The following CALD1 variants were observed in gnomAD, a reference collection of about 807,000 sequenced individuals.
The protein encoded by CALD1 is caldesmon.
In CALD1, 33 loss-of-function variants were observed where a neutral mutation model predicts 99.9. That is an observed-to-expected ratio of 0.33 (90% CI 0.25 to 0.44). The LOEUF is 0.44. Ranked by LOEUF, CALD1 falls within the 20% of genes least tolerant of loss-of-function variation. The pLI is 1.00. For synonymous variants in CALD1, 310 were observed against 325.0 expected (o/e 0.95, Z 0.50); for missense variants, 861 against 962.1 (o/e 0.89, Z 1.39).
intron 3 of CALD1, among the ~76,000 whole-genome samples, chr7:134,882,195 GA>G (rs1801637775): frequency 6.6e-6 from 1 of 152,218 alleles, no homozygotes; most frequent in Non-Finnish European, 1.5e-5. Context: ...GAGGGAGGCA[GA>G]AATGTTAGTG....
At chr7:134,883,140 TC>T (rs1356841593) in intron 3 of CALD1, among the ~76,000 whole-genome samples, 1 of 152,222 alleles carries the variant, frequency 6.6e-6, no homozygotes, top group Non-Finnish European at 1.5e-5. Flanking sequence ...GAACTGTATT[TC>T]TTAGGTAAGA....
intron 2 of CALD1, among the ~76,000 whole-genome samples, chr7:134,861,460 C>G (rs1173613683): frequency 1.3e-5 from 2 of 152,154 alleles, no homozygotes. Context: ...AGGATATACA[C>G]GACATGCTCC....
At chr7:134,924,631 TA>T (rs1332648290) in intron 3 of CALD1, among the ~76,000 whole-genome samples, 3 of 152,224 alleles carry the variant, frequency 2.0e-5, no homozygotes, top group Admixed American at 2.0e-4. Flanking sequence ...GAAACCATTT[TA>T]GCTCTTTTTT....
rs532869014 is a variant in CALD1, at chr7:134,752,262, A to C, written c.-130+7899A>C. 7.9e-5 allele frequency among the ~76,000 whole-genome samples: 12 copies of C among 152,346 alleles called. No individual in the cohort carries two copies. The East Asian group carries it at 2.3e-3, about 29-fold the overall frequency. On this transcript the variant is annotated intron_variant, in intron 1 of 13. Coordinates refer to the CALD1 transcript ENST00000417172. ...AGTAGAGAGTATTCAGCCTGTCAGA[A>C]AAGGAAGCTTTCGGCCTGATGCCAA...
At chr7:134,886,645 G>A (rs771475758) in intron 3 of CALD1, among the ~76,000 whole-genome samples, 14 of 152,170 alleles carry the variant, frequency 9.2e-5, no homozygotes, top group Non-Finnish European at 1.3e-4. Context: ...TAGAAAAGAC[G>A]AGACTAAAGG....
At chr7:134,810,255 G>C (rs148470352) in intron 1 of CALD1, among the ~76,000 whole-genome samples, 2 of 152,040 alleles carry the variant, frequency 1.3e-5, no homozygotes, top group Non-Finnish European at 2.9e-5. Flanking sequence ...ATCAGTGGTC[G>C]GAGATAGCAA....
At chr7:134,780,404 TAAC>T (rs888248644) in intron 1 of CALD1, among the ~76,000 whole-genome samples, 18 of 152,156 alleles carry the variant, frequency 1.2e-4, no homozygotes, top group South Asian at 4.1e-4. Context: ...TAAAACCTAA[TAAC>T]AAGAGAATGC....
intron 2 of CALD1, among the ~76,000 whole-genome samples, chr7:134,864,628 G>C (rs1177352694): frequency 6.6e-6 from 1 of 152,096 alleles, no homozygotes; most frequent in African/African-American, 2.4e-5. Flanking sequence ...TCGAACTCCT[G>C]ACCTCAAGTG....
At chr7:134,852,609 T>G (rs1800128108) in intron 2 of CALD1, among the ~76,000 whole-genome samples, 1 of 152,192 alleles carries the variant, frequency 6.6e-6, no homozygotes. Flanking sequence ...AGTCATTGAA[T>G]GGAGACAGTA....
At chr7:134,851,233 GT>G (rs1306310682) in intron 2 of CALD1, among the ~76,000 whole-genome samples, 1 of 152,140 alleles carries the variant, frequency 6.6e-6, no homozygotes, top group African/African-American at 2.4e-5. Context: ...AGCTATTTGA[GT>G]TTGTCATGCC....
intron 1 of CALD1, among the ~76,000 whole-genome samples, chr7:134,825,316 C>G (rs1396905134): frequency 6.6e-6 from 1 of 152,032 alleles, no homozygotes; most frequent in Admixed American, 6.6e-5. Context: ...TGTCTCATTC[C>G]AGGGCAGAGT....
chr7:134,774,427 A>G (rs1796901528), intron 1 of CALD1, among the ~76,000 whole-genome samples: 1 of 152,110 alleles, frequency 6.6e-6, no homozygotes, highest in Non-Finnish European at 1.5e-5. Context: ...TCATTTAAAC[A>G]TTTATTTTCA....
chr7:134,955,918 A>G (rs1807730986), intron 9 of CALD1, among the ~76,000 whole-genome samples: 2 of 152,182 alleles, frequency 1.3e-5, no homozygotes, highest in South Asian at 4.1e-4. Flanking sequence ...GGATGGATGG[A>G]TGGACGGACG....
intron 3 of CALD1, chr7:134,891,372 C>A: frequency 8.1e-7 from 1 of 1,240,828 alleles, no homozygotes; most frequent in Non-Finnish European, 1.0e-6. Context: ...AAATAACAAT[C>A]AGCTCTCTGA....
At chr7:134,932,257 T>C (rs1805577104) in intron 4 of CALD1, among the ~76,000 whole-genome samples, 1 of 152,202 alleles carries the variant, frequency 6.6e-6, no homozygotes, top group Admixed American at 6.5e-5. Flanking sequence ...AAGGGACACT[T>C]AGATGTCTCT....
At chr7:134,762,390 T>C (rs1004451354) in intron 1 of CALD1, among the ~76,000 whole-genome samples, 2 of 152,196 alleles carry the variant, frequency 1.3e-5, no homozygotes, top group Admixed American at 6.5e-5. Flanking sequence ...GTTTTCTCCA[T>C]GGGAGGGGAG....
chr7:134,914,061 G>A (rs887715036), intron 3 of CALD1, among the ~76,000 whole-genome samples: 7 of 152,246 alleles, frequency 4.6e-5, no homozygotes, highest in Non-Finnish European at 8.8e-5. Flanking sequence ...GCTTGAATTC[G>A]AAATAATGTC....
chr7:134,918,600 A>G (rs1804387721), intron 3 of CALD1, among the ~76,000 whole-genome samples: 1 of 152,258 alleles, frequency 6.6e-6, no homozygotes, highest in African/African-American at 2.4e-5. Context: ...ATAAAAAGAG[A>G]TAGGGATGCG....
At chr7:134,948,769 G>A (rs1363423322) in intron 8 of CALD1, among the ~76,000 whole-genome samples, 1 of 152,104 alleles carries the variant, frequency 6.6e-6, no homozygotes, top group Admixed American at 6.5e-5. Context: ...TTATTTTGAG[G>A]TCTCTTTTAA....
Sources: gnomAD v4.1 joint callset for allele counts (sites outside exome capture counted in the v4.1 genomes callset) on GRCh38, gnomAD v4.1.1 for gene constraint, MANE v1.5 for transcripts, NCBI Gene and HGNC (gene_info 2026-07-23, HGNC 2026-07-21) for gene names.